Variants in TENM4 observed in about 807,000 individuals in gnomAD.
The protein encoded by TENM4 is teneurin transmembrane protein 4, also known as teneurin-4.
TENM4 carries 82 observed loss-of-function variants against 243.3 expected under a neutral mutation model. The ratio of observed to expected loss-of-function variants is 0.34; its 90% CI spans 0.28 to 0.40. The LOEUF is 0.40. Ranked by LOEUF, TENM4 falls within the 10% of genes least tolerant of loss-of-function variation. TENM4 has a pLI of 1.00. For synonymous variants in TENM4, 1,412 were observed against 1,456.3 expected (o/e 0.97, Z 0.69); for missense variants, 3,138 against 3,673.3 (o/e 0.85, Z 3.77).
intron 6 of TENM4, among the ~76,000 whole-genome samples, chr11:78,988,684 T>C (rs1449366510): frequency 1.3e-5 from 2 of 152,182 alleles, no homozygotes; most frequent in Admixed American, 1.3e-4. Flanking sequence ...ACTCCCTTTT[T>C]GTAAAGACAG....
At chr11:79,066,685 C>G (rs1042241440) in intron 5 of TENM4, among the ~76,000 whole-genome samples, 3 of 150,960 alleles carry the variant, frequency 2.0e-5, no homozygotes, top group Non-Finnish European at 2.9e-5. Context: ...CACACGCACG[C>G]ATGCACACTC....
At chr11:79,241,069 C>G (rs1864579077) in intron 2 of TENM4, among the ~76,000 whole-genome samples, 1 of 151,992 alleles carries the variant, frequency 6.6e-6, no homozygotes, top group Admixed American at 6.6e-5. Context: ...AATGCTGGCC[C>G]CAGTGATGCT....
chr11:79,371,018 C>T (rs1037844532), intron 1 of TENM4, among the ~76,000 whole-genome samples: 9 of 151,922 alleles, frequency 5.9e-5, no homozygotes, highest in Non-Finnish European at 1.3e-4. Flanking sequence ...TGAAGAGAAA[C>T]CCAAAAAGCC....
At chr11:79,113,392 GGTGTGTGTGTGTGT>G (rs113144339) in intron 4 of TENM4, among the ~76,000 whole-genome samples, 2 of 145,082 alleles carry the variant, frequency 1.4e-5, no homozygotes, top group South Asian at 4.7e-4. Flanking sequence ...CTATTGGATT[GGTGTGTGTGTGTGT>G]GTGTGTGTGT....
At chr11:79,384,637 C>T (rs1858071418) in intron 1 of TENM4, among the ~76,000 whole-genome samples, 1 of 152,096 alleles carries the variant, frequency 6.6e-6, no homozygotes, top group Admixed American at 6.5e-5. Context: ...CAATAACCCA[C>T]AAAACTCGGA....
At chr11:79,160,742 G>C (rs1292622984) in intron 3 of TENM4, among the ~76,000 whole-genome samples, 4 of 152,168 alleles carry the variant, frequency 2.6e-5, no homozygotes, top group Non-Finnish European at 1.5e-5. Context: ...CTCTTACCCT[G>C]TATCAGGTAT....
At chr11:78,963,731 CTTT>C (rs66777307) in intron 6 of TENM4, among the ~76,000 whole-genome samples, 33 of 98,980 alleles carry the variant, frequency 3.3e-4, no homozygotes, top group African/African-American at 9.3e-4. Context: ...GGTTCCATGA[CTTT>C]TTTTTTTTTT....
intron 4 of TENM4, among the ~76,000 whole-genome samples, chr11:79,079,839 A>G (rs1452771978): frequency 1.3e-5 from 2 of 151,036 alleles, no homozygotes; most frequent in Non-Finnish European, 2.9e-5. Flanking sequence ...TTCAAAAAAA[A>G]AAAAAAAAAA....
At chr11:79,159,620 G>A (rs1862698322) in intron 3 of TENM4, among the ~76,000 whole-genome samples, 1 of 151,998 alleles carries the variant, frequency 6.6e-6, no homozygotes, top group Admixed American at 6.6e-5. Flanking sequence ...CGCCCTCCTG[G>A]CCTCCTAATG....
chr11:78,882,274 G>A (rs938254846), intron 9 of TENM4, among the ~76,000 whole-genome samples: 3 of 152,160 alleles, frequency 2.0e-5, no homozygotes, highest in African/African-American at 7.2e-5. Flanking sequence ...ATTCACCCTG[G>A]CCTCTATCTG....
chr11:79,391,045 G>A (rs1442302799), intron 1 of TENM4, among the ~76,000 whole-genome samples: 1 of 152,196 alleles, frequency 6.6e-6, no homozygotes, highest in African/African-American at 2.4e-5. Flanking sequence ...TTAAAAGTGT[G>A]AACTCAGAAG....
intron 1 of TENM4, among the ~76,000 whole-genome samples, chr11:79,326,247 T>A (rs1442797050): frequency 6.6e-6 from 1 of 152,092 alleles, no homozygotes; most frequent in African/African-American, 2.4e-5. Context: ...TTATCATAAG[T>A]CCCTAACCCC....
rs1859375248 is a variant in TENM4, at chr11:79,440,253, C to T, written c.-321+256G>A. On this transcript the variant is annotated intron_variant, in intron 1 of 33. Transcript: ENST00000278550. This position sits in a 1 kb window ranked among gnomAD's most constrained non-coding sequence, Gnocchi z 4.7. ...CCCTGCCCTCCCCCAACCCTTGCTC[C>T]CAGGCTCCAGTCCGCGGCGGGCTCC... Among the ~76,000 whole-genome samples, 3 of 152,098 alleles carry T rather than the reference C, an allele frequency of 2.0e-5. No individual in the cohort carries two copies. Among genetic ancestry groups the T allele is most frequent in the African/African-American group, 7.2e-5 (3 of 41,432 alleles).
intron 6 of TENM4, among the ~76,000 whole-genome samples, chr11:78,979,267 C>G (rs1310787802): frequency 6.6e-6 from 1 of 152,148 alleles, no homozygotes; most frequent in Non-Finnish European, 1.5e-5. Flanking sequence ...GGACTCCAAC[C>G]AGCACCCCAA....
chr11:79,104,196 T>C (rs530521905), intron 4 of TENM4, among the ~76,000 whole-genome samples: 2 of 152,326 alleles, frequency 1.3e-5, no homozygotes, highest in Admixed American at 6.5e-5. Context: ...TTGGAATTAA[T>C]TGTCTAATTA....
At chr11:78,854,713 G>T (rs1430000480) in intron 11 of TENM4, among the ~76,000 whole-genome samples, 1 of 152,124 alleles carries the variant, frequency 6.6e-6, no homozygotes, top group African/African-American at 2.4e-5. Flanking sequence ...CAAGAATCTT[G>T]GGGGGTGGTG....
chr11:79,325,350 G>C (rs1856956592), intron 1 of TENM4, among the ~76,000 whole-genome samples: 1 of 152,176 alleles, frequency 6.6e-6, no homozygotes, highest in Non-Finnish European at 1.5e-5. Context: ...CATTTTGAGG[G>C]AACTTGGAGA....
intron 4 of TENM4, among the ~76,000 whole-genome samples, chr11:79,090,488 G>A (rs1164240394): frequency 1.3e-5 from 2 of 152,230 alleles, no homozygotes; most frequent in Non-Finnish European, 1.5e-5. Context: ...GAGAAGGCAT[G>A]GCTTGCATCT....
chr11:78,962,892 G>C (rs11237665), intron 6 of TENM4, among the ~76,000 whole-genome samples: 2 of 152,196 alleles, frequency 1.3e-5, no homozygotes, highest in African/African-American at 4.8e-5. Context: ...ATGATTCAAG[G>C]CTTCACCTTT....
Sources: allele counts gnomAD v4.1 joint callset (sites outside exome capture counted in the v4.1 genomes callset), GRCh38; gene constraint gnomAD v4.1.1; non-coding constraint Gnocchi (gnomAD v3.1); transcripts MANE v1.5; gene names NCBI Gene and HGNC (gene_info 2026-07-23, HGNC 2026-07-21).